MCM9: variants seen among roughly 807,000 people sequenced by gnomAD.
MCM9 encodes the protein DNA helicase MCM9.
MCM9 carries 55 observed loss-of-function variants against 72.8 expected under a neutral mutation model. The ratio of observed to expected loss-of-function variants is 0.76; its 90% confidence interval spans 0.61 to 0.95. The LOEUF (loss-of-function observed/expected upper bound fraction) is 0.95. Among genes scored for constraint, MCM9 ranks in the 40% least tolerant of loss-of-function variants. The pLI, the probability that MCM9 is intolerant of heterozygous loss-of-function variation, is 0.00. For synonymous variants in MCM9, 480 were observed against 503.4 expected (o/e 0.95, Z 0.62); for missense variants, 1,279 against 1,377.0 (o/e 0.93, Z 1.13).
At position 118,816,008 on chromosome 6, in the gene MCM9, T is replaced by G; in HGVS notation, c.2248A>C (p.Thr750Pro). 6.4e-7 allele frequency: 1 copy of G among 1,550,590 alleles called. No homozygotes were observed. The highest frequency in any genetic ancestry group is 8.7e-7 in the Non-Finnish European group (1 of 1,146,964). The change falls in exon 14 of 14, where the codon ACT (threonine) becomes CCT (proline). Residue 750 changes from threonine to proline, a missense_variant. Coordinates refer to ENST00000619706, the MANE Select transcript of MCM9 (RefSeq NM_017696.3). Reference protein sequence around the residue: ...DSLDWFDFMATHQSEPKNTVV... With the variant: ...DSLDWFDFMAPHQSEPKNTVV... ...GTGTTTTTAGGTTCACTCTGATGAG[T>G]TGCCATGAAATCAAACCAATCTAAA...
chr6:118,904,116 A>C (rs1780001035), intron 8 of MCM9, among the ~76,000 whole-genome samples: 1 of 152,212 alleles, frequency 6.6e-6, no homozygotes, highest in African/African-American at 2.4e-5. Context: ...TATCTGTGTT[A>C]ATGCTGGTAG....
At chr6:118,879,566 T>TTTACATACTG in intron 8 of MCM9, among the ~76,000 whole-genome samples, 1 of 152,298 alleles carries the variant, frequency 6.6e-6, no homozygotes, top group East Asian at 1.9e-4. Context: ...TGCTAATTTG[T>TTTACATACTG]TTACATACTG....
chr6:118,916,980 T>C (rs1489241850), intron 6 of MCM9, among the ~76,000 whole-genome samples: 1 of 152,238 alleles, frequency 6.6e-6, no homozygotes, highest in Non-Finnish European at 1.5e-5. Context: ...GAAGATTTAA[T>C]TGGTGCTTTA....
intron 13 of MCM9, 68 bp from the exon 14 acceptor site, chr6:118,816,362 C>A (rs923750811): frequency 7.5e-7 from 1 of 1,338,690 alleles, no homozygotes; most frequent in Middle Eastern, 1.9e-4. Flanking sequence ...CTATTCATTT[C>A]TTTAGTCTCT....
Position 118,926,728 on chromosome 6 carries a change from G to T in MCM9, c.305-2601C>A, listed in dbSNP as rs576170258. On this transcript the variant is annotated intron_variant, in intron 3 of 13. Transcript: ENST00000619706. The stretch of plus-strand genomic sequence containing the variant: ...CCACTTTTTGGCTATTATGAATAAT[G>T]CAACTACAAACATTTGTATGCAAAT... Among the ~76,000 whole-genome samples, 19 of 152,256 alleles carry T rather than the reference G, an allele frequency of 1.2e-4. No individual in the cohort carries two copies. In the South Asian group the frequency reaches 3.9e-3, roughly 32 times the overall value.
intron 8 of MCM9, among the ~76,000 whole-genome samples, chr6:118,895,026 C>T (rs894858805): frequency 6.6e-6 from 1 of 152,170 alleles, no homozygotes; most frequent in Non-Finnish European, 1.5e-5. Context: ...CGCCCGCCTG[C>T]CCCCGGCGAA....
chr6:118,897,582 C>A (rs745802289), intron 8 of MCM9, among the ~76,000 whole-genome samples: 48 of 152,144 alleles, frequency 3.2e-4, no homozygotes, highest in Non-Finnish European at 5.6e-4. Flanking sequence ...GACCACAGGT[C>A]TTCCCAAGTA....
In MCM9 at chr6:118,901,513, G is replaced by T. The variant is rs1021463371; in HGVS notation, c.1150+10137C>A. Among the ~76,000 whole-genome samples, 3 of 152,152 alleles carry T rather than the reference G, an allele frequency of 2.0e-5. 1 individual carries two copies. The highest frequency in any genetic ancestry group is 2.0e-4 in the Admixed American group (3 of 15,274). On this transcript the variant is annotated intron_variant, in intron 8 of 13. Transcript: ENST00000619706. The stretch of plus-strand genomic sequence containing the variant: ...CTACCCCACTAGGTATTTGTGAAGA[G>T]AATTTCTAGTAATAAAAATTTTGTT...
chr6:118,926,177 C>T (rs1781878848), intron 3 of MCM9, among the ~76,000 whole-genome samples: 2 of 152,174 alleles, frequency 1.3e-5, no homozygotes, highest in Non-Finnish European at 2.9e-5. Flanking sequence ...CACGTAGATG[C>T]TCCGTGACTT....
chr6:118,891,821 ATC>A (rs1290704517), intron 8 of MCM9, among the ~76,000 whole-genome samples: 2 of 152,138 alleles, frequency 1.3e-5, no homozygotes, highest in Admixed American at 6.5e-5. Flanking sequence ...AGCCGATAAA[ATC>A]TCTCTCAGCC....
At chr6:118,831,618 AT>A (rs949276276) in intron 9 of MCM9, among the ~76,000 whole-genome samples, 4 of 148,748 alleles carry the variant, frequency 2.7e-5, no homozygotes, top group Admixed American at 2.7e-4. Context: ...TGATACAAAC[AT>A]TTTTTAAAAA....
intron 8 of MCM9, among the ~76,000 whole-genome samples, chr6:118,898,460 C>T (rs926566044): frequency 6.7e-6 from 1 of 149,184 alleles, no homozygotes; most frequent in Non-Finnish European, 1.5e-5. Flanking sequence ...AATCTCGTTC[C>T]ATTGCCCAGG....
Position 118,814,933 on chromosome 6 carries a change from C to T in MCM9, c.3323G>A (p.Gly1108Glu), listed in dbSNP as rs1249173909. The change falls in exon 14 of 14, where the codon GGG becomes GAG. Residue 1108 changes from glycine to glutamate, a missense_variant. Transcript: ENST00000619706. The stretch of plus-strand genomic sequence containing the variant: ...GGAAACAATCAGTTTCTCGGTGGAC[C>T]CACGGAGCTGAAAAGATTTCCTTTT... ...VSKRKSFQLR[G>E]STEKLIVSKE... The T allele has an allele frequency of 5.2e-6, 8 of 1,526,304 alleles. No individual in the cohort carries two copies. Among genetic ancestry groups the T allele is most frequent in the Non-Finnish European group, 6.2e-6 (7 of 1,134,062 alleles). 94.5% of individuals were successfully genotyped at this position (1,526,304 alleles called of 1,614,324 possible).
chr6:118,846,924 T>C (rs2114646123), intron 9 of MCM9, among the ~76,000 whole-genome samples: 1 of 151,784 alleles, frequency 6.6e-6, no homozygotes, highest in East Asian at 1.9e-4. Context: ...CTTCCGTTGA[T>C]AAAACCCTCA....
At chr6:118,894,405 T>C (rs1389778127) in intron 8 of MCM9, 2 of 1,536,826 alleles carry the variant, frequency 1.3e-6, no homozygotes, top group Non-Finnish European at 1.7e-6. Context: ...TTTGTGTTTT[T>C]TTCAAAATAT....
rs1441130483 is a variant in MCM9, at chr6:118,815,237, C to A, written c.3019G>T (p.Val1007Leu). 2.6e-6 allele frequency: 4 copies of A among 1,550,550 alleles called. No homozygotes were observed. The highest frequency in any genetic ancestry group is 3.5e-6 in the Non-Finnish European group (4 of 1,146,984). The change falls in exon 14 of 14, where the codon GTG (valine) becomes TTG (leucine). Residue 1007 changes from valine to leucine, a missense_variant. Physicochemically the swap from Val to Leu is conservative, Grantham distance 32. Coordinates refer to ENST00000619706, the MANE Select transcript of MCM9 (RefSeq NM_017696.3). ...PPEKHGPREK[V>L]MCAPEKRIIQ... Reference sequence around the variant, plus strand: ...ATCCTCTTCTCAGGGGCACACATCACCTTCTCTCTTGGTCCGTGTTTCTCT... The same window carrying A: ...ATCCTCTTCTCAGGGGCACACATCAACTTCTCTCTTGGTCCGTGTTTCTCT...
chr6:118,893,852 A>AC (rs1779122517), intron 8 of MCM9, among the ~76,000 whole-genome samples: 1 of 75,344 alleles, frequency 1.3e-5, no homozygotes, highest in African/African-American at 3.3e-5. Flanking sequence ...AAACAAAAAA[A>AC]AAAACAAAAA....
rs1285832162 is a variant in MCM9 at position 118,816,035 on chromosome 6, T to A, written c.2221A>T (p.Ser741Cys). The part of the protein sequence containing the change: ...SAQHKNNRDD[S>C]LDWFDFMATH... Reference sequence around the variant, plus strand: ...GCCATGAAATCAAACCAATCTAAACTGTCATCTCTGTTATTTTTGTGCTGA... The same window carrying A: ...GCCATGAAATCAAACCAATCTAAACAGTCATCTCTGTTATTTTTGTGCTGA... The change falls in exon 14 of 14, where the codon AGT becomes TGT. Residue 741 changes from serine to cysteine, a missense_variant. Physicochemically the swap from Ser to Cys is moderately radical, Grantham distance 112. Transcript: ENST00000619706. 1 of 1,550,502 alleles carries A rather than the reference T, an allele frequency of 6.4e-7. No homozygotes were observed. Among genetic ancestry groups the A allele is most frequent in the Non-Finnish European group, 8.7e-7 (1 of 1,146,900 alleles).
intron 9 of MCM9, among the ~76,000 whole-genome samples, chr6:118,835,069 C>A (rs1004796864): frequency 2.6e-5 from 4 of 152,172 alleles, no homozygotes; most frequent in Non-Finnish European, 4.4e-5. Context: ...CTGCATATGG[C>A]TAGCCAGTTT....
Sources: allele counts gnomAD v4.1 joint callset (sites outside exome capture counted in the v4.1 genomes callset), GRCh38; gene constraint gnomAD v4.1.1; transcripts MANE v1.5; gene names NCBI Gene and HGNC (gene_info 2026-07-23, HGNC 2026-07-21).